CERKL: variants seen among roughly 807,000 people sequenced by gnomAD.
CERKL encodes CERK like autophagy regulator, also known as ceramide kinase-like protein.
In CERKL, 61 loss-of-function variants were observed where a neutral mutation model predicts 63.4. The observed-to-expected ratio is 0.96, with a 90% confidence interval of 0.78 to 1.19. The LOEUF is 1.19. CERKL is among the 50% of genes most tolerant of loss of function. CERKL has a pLI of 0.00. For missense variants in CERKL, 675 were observed against 655.5 expected (o/e 1.03, Z -0.33); for synonymous variants, 250 against 230.5 (o/e 1.08, Z -0.77).
chr2:181,566,132 AACAC>A lies in CERKL; in HGVS notation c.614-15_614-12del, dbSNP rs369911393. The stretch of plus-strand genomic sequence containing the variant: ...CTTCATATTCCATTACTATTAAAAA[AACAC>A]ACACACATACACAAAGTGACAGTTT... On this transcript the variant is annotated splice_polypyrimidine_tract_variant and intron_variant, in intron 3 of 12. Coordinates refer to ENST00000410087, the MANE Select transcript of CERKL (RefSeq NM_201548.5). 41 of 1,604,748 alleles carry A rather than the reference AACAC, an allele frequency of 2.6e-5. No individual in the cohort carries two copies. In the African/African-American group the frequency reaches 4.1e-4, roughly 16 times the overall value.
chr2:181,553,051 G>A (rs1358814748), intron 5 of CERKL, among the ~76,000 whole-genome samples: 5 of 152,096 alleles, frequency 3.3e-5, no homozygotes, highest in Admixed American at 6.6e-5. Context: ...ACATTCCTGG[G>A]TTCTACCTCC....
intron 1 of CERKL, among the ~76,000 whole-genome samples, chr2:181,642,262 G>A (rs1687473536): frequency 6.6e-6 from 1 of 152,082 alleles, no homozygotes; most frequent in African/African-American, 2.4e-5. Context: ...CATTATTTCT[G>A]ACCACACAGT....
chr2:181,626,741 T>C (rs1185529367), intron 1 of CERKL, among the ~76,000 whole-genome samples: 2 of 152,234 alleles, frequency 1.3e-5, no homozygotes, highest in African/African-American at 4.8e-5. Flanking sequence ...GAGATCCTTA[T>C]ACAAATCAGA....
At chr2:181,603,588 G>T in intron 2 of CERKL, 1 of 464,322 alleles carries the variant, frequency 2.2e-6, no homozygotes, top group South Asian at 2.0e-5. Flanking sequence ...TGGAATGCAA[G>T]GATGTTAAAC....
In CERKL at chr2:181,558,432, G is replaced by C; in HGVS notation, c.820+134C>G. The C allele has an allele frequency of 1.1e-6, 1 of 909,602 alleles. No individual in the cohort carries two copies. Among genetic ancestry groups the C allele is most frequent in the South Asian group, 1.3e-5 (1 of 74,556 alleles). The allele number at this position is 909,602 out of a possible 1,614,324, so 56.3% of individuals were successfully genotyped here. ...ATGACTTGTCAAAAGTCTCACATTT[G>C]CTAGTGGGGATGCCAGAAGTCTGGA... On this transcript the variant is annotated intron_variant, in intron 5 of 12. Coordinates refer to ENST00000410087, the MANE Select transcript of CERKL (RefSeq NM_201548.5). This position sits in a 1 kb window ranked among gnomAD's most constrained non-coding sequence, Gnocchi z 4.2.
intron 3 of CERKL, among the ~76,000 whole-genome samples, chr2:181,572,780 CTT>C (rs5836800): frequency 9.9e-5 from 13 of 131,148 alleles, no homozygotes; most frequent in Admixed American, 2.4e-4. Flanking sequence ...ACAAAACTTG[CTT>C]TTTTTTTTTT....
intron 2 of CERKL, among the ~76,000 whole-genome samples, chr2:181,583,872 CATT>C (rs1684643449): frequency 6.6e-6 from 1 of 152,132 alleles, no homozygotes; most frequent in Non-Finnish European, 1.5e-5. Flanking sequence ...CTATAAAAGA[CATT>C]ATGGAAAATA....
intron 2 of CERKL, among the ~76,000 whole-genome samples, chr2:181,579,730 T>A (rs1435588741): frequency 6.6e-6 from 1 of 151,970 alleles, no homozygotes; most frequent in Non-Finnish European, 1.5e-5. Context: ...CTCAATTTTA[T>A]ATTTTCAATT....
At chr2:181,590,082 A>ATAGTGCTG (rs1487566841) in intron 2 of CERKL, among the ~76,000 whole-genome samples, 1 of 151,782 alleles carries the variant, frequency 6.6e-6, no homozygotes, top group Non-Finnish European at 1.5e-5. Context: ...TTGACCTCCC[A>ATAGTGCTG]TAGTGCTGAG....
At chr2:181,579,938 A>T (rs1422929913) in intron 2 of CERKL, among the ~76,000 whole-genome samples, 1 of 151,798 alleles carries the variant, frequency 6.6e-6, no homozygotes, top group Non-Finnish European at 1.5e-5. Flanking sequence ...AGATCCACTG[A>T]TCTATTCATA....
intron 1 of CERKL, among the ~76,000 whole-genome samples, chr2:181,642,824 A>G (rs1559120945): frequency 6.6e-6 from 1 of 152,242 alleles, no homozygotes; most frequent in Non-Finnish European, 1.5e-5. Flanking sequence ...GAGGATACAG[A>G]GAAACGAATG....
intron 1 of CERKL, among the ~76,000 whole-genome samples, chr2:181,652,234 C>G (rs1192550287): frequency 6.6e-6 from 1 of 152,158 alleles, no homozygotes; most frequent in Non-Finnish European, 1.5e-5. Flanking sequence ...AAGTATCATA[C>G]TACCTGACTT....
At chr2:181,569,033 T>C (rs1284424819) in intron 3 of CERKL, among the ~76,000 whole-genome samples, 1 of 152,136 alleles carries the variant, frequency 6.6e-6, no homozygotes, top group Non-Finnish European at 1.5e-5. Context: ...GCCTTTTATC[T>C]TGTCTCCCTC....
intron 2 of CERKL, among the ~76,000 whole-genome samples, chr2:181,580,010 C>A (rs1468773467): frequency 1.3e-5 from 2 of 151,844 alleles, no homozygotes; most frequent in Non-Finnish European, 2.9e-5. Context: ...TAAGACTGGT[C>A]TCTCATTACT....
In CERKL at chr2:181,648,248, A is replaced by C. The variant is rs143199171; in HGVS notation, c.238+8521T>G. 1.8e-4 allele frequency among the ~76,000 whole-genome samples: 28 copies of C among 152,326 alleles called. No homozygotes were observed. In the East Asian group the frequency reaches 5.4e-3, roughly 29 times the overall value. On this transcript the variant is annotated intron_variant, in intron 1 of 12. Coordinates refer to ENST00000410087, the MANE Select transcript of CERKL (RefSeq NM_201548.5). ...GGCACATTATAGTCAAACTGTCAAA[A>C]GTTGAAGACAGAGAATTCTAAAATC...
At chr2:181,606,738 A>G (rs1233719788) in intron 1 of CERKL, among the ~76,000 whole-genome samples, 1 of 152,106 alleles carries the variant, frequency 6.6e-6, no homozygotes, top group Non-Finnish European at 1.5e-5. Flanking sequence ...AAAACTCAAC[A>G]CCCTCAAAGT....
At chr2:181,656,243 G>GA (rs944822550) in intron 1 of CERKL, among the ~76,000 whole-genome samples, 9 of 152,016 alleles carry the variant, frequency 5.9e-5, no homozygotes, top group Non-Finnish European at 8.8e-5. Context: ...GTGAGGGGCA[G>GA]AAAAAAACCC....
chr2:181,626,299 A>C (rs1407875890), intron 1 of CERKL, among the ~76,000 whole-genome samples: 1 of 152,146 alleles, frequency 6.6e-6, no homozygotes, highest in Non-Finnish European at 1.5e-5. Context: ...GAGGAACTGC[A>C]GTAGAAGTGA....
chr2:181,581,459 C>G (rs1336121142), intron 2 of CERKL, among the ~76,000 whole-genome samples: 1 of 152,178 alleles, frequency 6.6e-6, no homozygotes, highest in East Asian at 1.9e-4. Flanking sequence ...TATGCTACAA[C>G]AGGAACATGG....
Sources: gnomAD v4.1 joint callset for allele counts (sites outside exome capture counted in the v4.1 genomes callset) on GRCh38, gnomAD v4.1.1 for gene constraint, Gnocchi (gnomAD v3.1) non-coding constraint, MANE v1.5 for transcripts, NCBI Gene and HGNC (gene_info 2026-07-23, HGNC 2026-07-21) for gene names.